CLVS2: variants seen among roughly 807,000 people sequenced by gnomAD.
CLVS2 encodes clavesin-2.
In CLVS2, 19 loss-of-function variants were observed where a neutral mutation model predicts 29.0. That is an observed-to-expected ratio of 0.66 (90% confidence interval 0.46 to 0.96). The LOEUF (loss-of-function observed/expected upper bound fraction) is 0.96, where lower values mean the gene tolerates loss of function less well. Ranked by LOEUF, CLVS2 falls within the 40% of genes least tolerant of loss-of-function variation. The probability of loss-of-function intolerance (pLI) is 0.00; values close to 1 mark genes in which losing one functional copy is unlikely to be tolerated. For synonymous variants in CLVS2, 161 were observed against 151.3 expected (o/e 1.06, Z -0.47); for missense variants, 294 against 404.1 (o/e 0.73, Z 2.34).
At chr6:123,046,829 A>C (rs1772521537) in intron 3 of CLVS2, among the ~76,000 whole-genome samples, 1 of 152,176 alleles carries the variant, frequency 6.6e-6, no homozygotes, top group South Asian at 2.1e-4. Flanking sequence ...TCACAACAAA[A>C]ATATTTCCAT....
rs1317854551 is a variant in CLVS2, at chr6:123,049,809, G to GT, written c.675+1077_675+1078insT. ...CACCGGGGCCTGTTGTGGGATGGGG[G>GT]GCGGGGAGGAATAGCATTAGGAGAT... On this transcript the variant is annotated intron_variant, in intron 4 of 5. Coordinates refer to ENST00000275162, the MANE Select transcript of CLVS2 (RefSeq NM_001010852.4). Among the ~76,000 whole-genome samples the GT allele has an allele frequency of 2.0e-4, 29 of 146,706 alleles. 1 individual carries two copies. The South Asian group carries it at 3.0e-3, about 15-fold the overall frequency.
chr6:123,048,795 T>C (rs1372585098), intron 4 of CLVS2, 63 bp downstream of exon 4: 3 of 982,216 alleles, frequency 3.1e-6, no homozygotes, highest in Non-Finnish European at 4.9e-6. Flanking sequence ...TAATGCATAA[T>C]GTGTATATAA....
chr6:123,069,610 G>A lies in CLVS2; in HGVS notation c.*5849G>A, dbSNP rs1772911785. ...ATCGTTATTGCTGCTCCCTCCTAAA[G>A]GCAGGCCAGGAGAAGCCACATTTCC... On this transcript the variant is annotated 3_prime_UTR_variant, in exon 6 of 6. Transcript: ENST00000275162. 6.6e-6 allele frequency: 1 copy of A among 151,762 alleles called. No homozygotes were observed. Among genetic ancestry groups the A allele is most frequent in the African/African-American group, 2.4e-5 (1 of 41,376 alleles). 9.4% of individuals were successfully genotyped at this position (151,762 alleles called of 1,614,324 possible).
intron 2 of CLVS2, among the ~76,000 whole-genome samples, chr6:123,003,013 A>G (rs183756080): frequency 2.0e-5 from 3 of 152,318 alleles, no homozygotes; most frequent in Admixed American, 1.3e-4. Context: ...ACTTATTCCA[A>G]ACTATAATCT....
At chr6:123,027,149 T>C (rs1244269483) in intron 3 of CLVS2, among the ~76,000 whole-genome samples, 1 of 152,144 alleles carries the variant, frequency 6.6e-6, no homozygotes, top group African/African-American at 2.4e-5. Context: ...ATCTGTTAGA[T>C]AAGGGTCAAA....
intron 3 of CLVS2, among the ~76,000 whole-genome samples, chr6:123,046,658 CA>C (rs34421196): frequency 0.037 from 5,330 of 144,064 alleles, 182 homozygotes; most frequent in African/African-American, 0.093. Context: ...AACTCAGTCT[CA>C]AAAAAAAAAA....
At chr6:123,029,352 A>G (rs1013763822) in intron 3 of CLVS2, among the ~76,000 whole-genome samples, 3 of 152,216 alleles carry the variant, frequency 2.0e-5, no homozygotes, top group Non-Finnish European at 4.4e-5. Context: ...ATATGAAAGG[A>G]AAAGGAAGTA....
At chr6:123,013,974 C>T (rs1375794185) in intron 3 of CLVS2, among the ~76,000 whole-genome samples, 2 of 152,072 alleles carry the variant, frequency 1.3e-5, no homozygotes, top group Non-Finnish European at 2.9e-5. Context: ...ATCCATGTCC[C>T]TACAAAGGAC....
intron 3 of CLVS2, among the ~76,000 whole-genome samples, chr6:123,012,688 C>T (rs1200806597): frequency 2.0e-5 from 3 of 152,006 alleles, no homozygotes; most frequent in Admixed American, 2.0e-4. Flanking sequence ...CAAGGAACTA[C>T]ACTCAGATGA....
At chr6:123,033,784 C>A (rs192348023) in intron 3 of CLVS2, among the ~76,000 whole-genome samples, 1 of 151,794 alleles carries the variant, frequency 6.6e-6, no homozygotes, top group Non-Finnish European at 1.5e-5. Flanking sequence ...GATAAGCCAC[C>A]GATGGGGAGA....
intron 3 of CLVS2, among the ~76,000 whole-genome samples, chr6:123,016,819 G>A (rs879840536): frequency 6.6e-6 from 1 of 151,970 alleles, no homozygotes; most frequent in African/African-American, 2.4e-5. Context: ...TGTTACCAGC[G>A]GCCACCAATC....
intron 5 of CLVS2, among the ~76,000 whole-genome samples, chr6:123,057,242 T>A (rs1027647856): frequency 1.3e-5 from 2 of 151,794 alleles, no homozygotes; most frequent in African/African-American, 4.8e-5. Flanking sequence ...GTCATGCCAA[T>A]GTCTGGCATC....
At chr6:123,057,052 C>A (rs1162583520) in intron 5 of CLVS2, among the ~76,000 whole-genome samples, 1 of 152,156 alleles carries the variant, frequency 6.6e-6, no homozygotes, top group Non-Finnish European at 1.5e-5. Context: ...TGCATTCTGT[C>A]ACAAACAAGT....
At chr6:123,030,851 C>T (rs547626358) in intron 3 of CLVS2, among the ~76,000 whole-genome samples, 2 of 111,002 alleles carry the variant, frequency 1.8e-5, no homozygotes, top group Admixed American at 8.3e-5. Context: ...TATATATATA[C>T]ACACACATAT....
intron 3 of CLVS2, among the ~76,000 whole-genome samples, chr6:123,014,362 A>G (rs1213186483): frequency 1.3e-5 from 2 of 152,068 alleles, no homozygotes; most frequent in African/African-American, 4.8e-5. Context: ...AAGAGTATTT[A>G]AAGTGACCTG....
chr6:123,045,051 A>G lies in CLVS2; in HGVS notation c.565-3571A>G, dbSNP rs538164440. ...TCCTATTAAATGTTGTTCCCATTTT[A>G]CAGATAAGGAAATTGTGAATCAGAG... On this transcript the variant is annotated intron_variant, in intron 3 of 5. Coordinates refer to ENST00000275162, the MANE Select transcript of CLVS2 (RefSeq NM_001010852.4). 6.6e-5 allele frequency among the ~76,000 whole-genome samples: 10 copies of G among 152,258 alleles called. No individual in the cohort carries two copies. The South Asian group carries it at 2.1e-3, about 32-fold the overall frequency.
intron 2 of CLVS2, among the ~76,000 whole-genome samples, chr6:123,004,903 A>G (rs934075899): frequency 2.6e-5 from 4 of 151,828 alleles, no homozygotes; most frequent in African/African-American, 9.7e-5. Context: ...ACAAGAGCAA[A>G]ACTCCATCTC....
rs1772893456 is a variant in CLVS2 at position 123,068,308 on chromosome 6, T to C, written c.*4547T>C. ...GTAAATAATGGAAATTGTTAAAATT[T>C]AGAAGAGTTTTGTCATTATTTGACT... On this transcript the variant is annotated 3_prime_UTR_variant, in exon 6 of 6. Transcript: ENST00000275162. 3.3e-5 allele frequency: 5 copies of C among 151,670 alleles called. No homozygotes were observed. Among genetic ancestry groups the C allele is most frequent in the African/African-American group, 9.7e-5 (4 of 41,422 alleles). 9.4% of individuals were successfully genotyped at this position (151,670 alleles called of 1,614,324 possible).
chr6:123,050,048 T>C (rs1214981670), intron 4 of CLVS2, among the ~76,000 whole-genome samples: 3 of 152,196 alleles, frequency 2.0e-5, no homozygotes, highest in African/African-American at 7.2e-5. Flanking sequence ...TAATTACATG[T>C]TCATATCAAG....
Sources: allele counts gnomAD v4.1 joint callset (sites outside exome capture counted in the v4.1 genomes callset), GRCh38; gene constraint gnomAD v4.1.1; transcripts MANE v1.5; gene names NCBI Gene and HGNC (gene_info 2026-07-23, HGNC 2026-07-21).